Variants in CENPC observed in about 807,000 individuals in gnomAD.
CENPC encodes the protein centromere protein C.
In CENPC, 63 loss-of-function variants were observed where a neutral mutation model predicts 112.1. That is an observed-to-expected ratio of 0.56 (90% CI 0.46 to 0.69). CENPC has a LOEUF of 0.69. Among genes scored for constraint, CENPC ranks in the 30% least tolerant of loss-of-function variants. CENPC has a pLI of 0.00. For missense variants in CENPC, 1,000 were observed against 1,103.8 expected, an observed-to-expected ratio of 0.91 and a Z score of 1.33; for synonymous variants, 333 against 367.6, an observed-to-expected ratio of 0.91 and a Z score of 1.08.
At chr4:67,534,794 A>G (rs1170814437) in intron 4 of CENPC, among the ~76,000 whole-genome samples, 1 of 152,224 alleles carries the variant, frequency 6.6e-6, no homozygotes, top group East Asian at 1.9e-4. Flanking sequence ...AGAGCTTCCA[A>G]TGTGTTTTAG....
chr4:67,532,196 G>A (rs994159706), intron 4 of CENPC, among the ~76,000 whole-genome samples: 23 of 152,164 alleles, frequency 1.5e-4, no homozygotes, highest in African/African-American at 4.8e-4. Flanking sequence ...ACCATAATGA[G>A]ACACTATTTC....
chr4:67,498,554 A>G (rs1014736441), intron 12 of CENPC, among the ~76,000 whole-genome samples: 1 of 152,236 alleles, frequency 6.6e-6, no homozygotes, highest in Non-Finnish European at 1.5e-5. Context: ...AAGGGTTCAC[A>G]ACATATTCAC....
At chr4:67,490,901 T>G (rs1400560184) in intron 16 of CENPC, among the ~76,000 whole-genome samples, 2 of 145,298 alleles carry the variant, frequency 1.4e-5, no homozygotes, top group African/African-American at 2.5e-5. Context: ...AATATATATA[T>G]AGAAATATAT....
At chr4:67,542,886 AT>A (rs1726926334) in intron 2 of CENPC, among the ~76,000 whole-genome samples, 1 of 152,190 alleles carries the variant, frequency 6.6e-6, no homozygotes, top group Non-Finnish European at 1.5e-5. Context: ...AAAAGATCAG[AT>A]TTGCCAAGGT....
chr4:67,519,607 G>A, intron 5 of CENPC, 105 bp from the exon 6 acceptor site: 1 of 765,722 alleles, frequency 1.3e-6, no homozygotes, highest in Non-Finnish European at 2.0e-6. Flanking sequence ...ATAGTTTTCA[G>A]AAAACTCAAA....
At chr4:67,476,413 G>A (rs188496459) in intron 17 of CENPC, among the ~76,000 whole-genome samples, 165 of 152,304 alleles carry the variant, frequency 1.1e-3, no homozygotes, top group African/African-American at 3.7e-3. Flanking sequence ...CAGGTCATGA[G>A]AGAAGGATTT....
chr4:67,500,083 T>C (rs371589200), intron 12 of CENPC, among the ~76,000 whole-genome samples: 3 of 151,574 alleles, frequency 2.0e-5, no homozygotes, highest in African/African-American at 7.3e-5. Flanking sequence ...CAAATCACCA[T>C]AAAAGACATA....
chr4:67,507,623 T>C (rs556447507), intron 10 of CENPC, among the ~76,000 whole-genome samples: 1 of 152,248 alleles, frequency 6.6e-6, no homozygotes, highest in East Asian at 1.9e-4. Flanking sequence ...ACTACCCATA[T>C]AGAAAAGCTC....
chr4:67,538,549 C>A (rs555008136), intron 4 of CENPC, among the ~76,000 whole-genome samples: 1 of 152,324 alleles, frequency 6.6e-6, no homozygotes, highest in South Asian at 2.1e-4. Context: ...GGGAAATCCT[C>A]AGTTGAGGAG....
chr4:67,471,806 G>A lies in CENPC; in HGVS notation c.*799C>T, dbSNP rs1349507788. ...AATTTTTAGCTTAGATGTATTGATT[G>A]ATATTAAAAAGGGAAAGTTGAGGCC... On this transcript the variant is annotated 3_prime_UTR_variant, in exon 19 of 19. Transcript: ENST00000273853. The A allele has an allele frequency of 6.6e-6, 1 of 152,224 alleles. No individual in the cohort carries two copies. Among genetic ancestry groups the A allele is most frequent in the Non-Finnish European group, 1.5e-5 (1 of 68,016 alleles). The allele number at this position is 152,224 out of a possible 1,614,324, so 9.4% of individuals were successfully genotyped here.
At chr4:67,490,173 G>C in intron 16 of CENPC, 52 bp from the exon 17 acceptor site, 1 of 1,280,474 alleles carries the variant, frequency 7.8e-7, no homozygotes, top group East Asian at 2.4e-5. Context: ...ATTGGTTAAT[G>C]ATATAACATA....
chr4:67,518,206 T>C lies in CENPC; in HGVS notation c.780A>G (p.Lys260=). Residue 260 remains lysine, a synonymous_variant, in exon 7 of 19, where the codon AAA becomes AAG. Transcript: ENST00000273853. ...TTTCTAAAAACAATGTTGAAAAACTTTTTTTAGCTTGTCGTTGAATTTCAT... is the reference window on the plus strand; with the variant it reads ...TTTCTAAAAACAATGTTGAAAAACTCTTTTTAGCTTGTCGTTGAATTTCAT... The part of the protein sequence containing the change: ...SEYEIQRQAK[K]SFSTLFLETV... 6.4e-7 allele frequency: 1 copy of C among 1,557,950 alleles called. No homozygotes were observed. Among genetic ancestry groups the C allele is most frequent in the Non-Finnish European group, 8.7e-7 (1 of 1,151,398 alleles).
chr4:67,533,425 A>G (rs1209642340), intron 4 of CENPC, among the ~76,000 whole-genome samples: 1 of 152,188 alleles, frequency 6.6e-6, no homozygotes, highest in East Asian at 1.9e-4. Flanking sequence ...AAATGGACTA[A>G]TACACTACAC....
chr4:67,508,335 A>G (rs1725792240), intron 10 of CENPC, among the ~76,000 whole-genome samples: 1 of 151,940 alleles, frequency 6.6e-6, no homozygotes, highest in African/African-American at 2.4e-5. Flanking sequence ...CAACAAAGCA[A>G]GACCTCATTT....
chr4:67,501,876 T>G (rs1390720194), intron 12 of CENPC, among the ~76,000 whole-genome samples: 2 of 152,142 alleles, frequency 1.3e-5, no homozygotes, highest in South Asian at 4.1e-4. Flanking sequence ...TGTGGACAAT[T>G]GTGAAATCTT....
At chr4:67,475,336 T>C (rs1724774461) in intron 17 of CENPC, among the ~76,000 whole-genome samples, 1 of 152,156 alleles carries the variant, frequency 6.6e-6, no homozygotes, top group Non-Finnish European at 1.5e-5. Flanking sequence ...GAAACATGAG[T>C]TATTTCTAAA....
chr4:67,491,513 A>AGAGAGG (rs1553893249), intron 16 of CENPC, among the ~76,000 whole-genome samples: 15 of 141,204 alleles, frequency 1.1e-4, no homozygotes, highest in African/African-American at 3.7e-4. Context: ...AGAGAGAGAG[A>AGAGAGG]GAGAGAGAGA....
chr4:67,533,572 G>A lies in CENPC; in HGVS notation c.232-2658C>T, dbSNP rs1726622656. On this transcript the variant is annotated intron_variant, in intron 4 of 18. Transcript: ENST00000273853. ...TCAGAAGGATGAAGAGAGAGACAAA[G>A]GAGTAGATGAGACATGTCAGCAAAC... Among the ~76,000 whole-genome samples, 4 of 152,300 alleles carry A rather than the reference G, an allele frequency of 2.6e-5. No individual in the cohort carries two copies. The South Asian group carries it at 8.3e-4, about 32-fold the overall frequency.
At chr4:67,493,257 G>A (rs1266266904) in intron 14 of CENPC, 2 of 202,604 alleles carry the variant, frequency 9.9e-6, no homozygotes, top group Non-Finnish European at 1.9e-5. Flanking sequence ...CATCAGTGGA[G>A]GCTTTTAAAA....
Sources: gnomAD v4.1 joint callset for allele counts (sites outside exome capture counted in the v4.1 genomes callset) on GRCh38, gnomAD v4.1.1 for gene constraint, MANE v1.5 for transcripts, NCBI Gene and HGNC (gene_info 2026-07-23, HGNC 2026-07-21) for gene names.